Variants in SPHKAP observed in about 807,000 individuals in gnomAD.
SPHKAP encodes the protein A-kinase anchor protein SPHKAP.
In SPHKAP, 67 loss-of-function variants were observed where a neutral mutation model predicts 137.5. That is an observed-to-expected ratio of 0.49 (90% CI 0.40 to 0.60). The LOEUF is 0.60. SPHKAP is among the 20% of genes least tolerant of loss of function. The pLI is 0.00. For synonymous variants in SPHKAP, 813 were observed against 785.3 expected (o/e 1.04, Z -0.59); for missense variants, 2,097 against 2,069.3 (o/e 1.01, Z -0.26).
In SPHKAP at chr2:228,134,206, G is replaced by A. The variant is rs540765710; in HGVS notation, c.33-2121C>T. Among the ~76,000 whole-genome samples, 84 of 140,462 alleles carry A rather than the reference G, an allele frequency of 6.0e-4. 1 individual carries two copies. Among genetic ancestry groups the A allele is most frequent in the African/African-American group, 1.9e-3 (73 of 37,582 alleles). The allele number at this position is 140,462 out of a possible 152,430, so 92.1% of individuals were successfully genotyped here. A position where few individuals can be genotyped will look rare whatever the true frequency, so the allele number is the denominator to read the frequency against. ...AGACAGAAGGAAGGAGGGAGGGAGC[G>A]AGGAAGGAAGGAAGGGAAGGAGGGA... On this transcript the variant is annotated intron_variant, in intron 1 of 11. Coordinates refer to ENST00000392056, the MANE Select transcript of SPHKAP (RefSeq NM_001142644.2).
chr2:227,996,719 G>C (rs1352149095), intron 7 of SPHKAP, among the ~76,000 whole-genome samples: 3 of 152,082 alleles, frequency 2.0e-5, no homozygotes, highest in African/African-American at 7.2e-5. Flanking sequence ...TATTTCCATT[G>C]ACTTTTCTGT....
At chr2:228,129,504 C>A (rs564941832) in intron 2 of SPHKAP, among the ~76,000 whole-genome samples, 1 of 151,968 alleles carries the variant, frequency 6.6e-6, no homozygotes, top group South Asian at 2.1e-4. Flanking sequence ...TGTATTTCTC[C>A]CCAAGATCTA....
In SPHKAP at chr2:228,017,075, A is replaced by G. The variant is rs1694631720; in HGVS notation, c.3779T>C (p.Leu1260Ser). ...TVNVPIKANS[L>S]DGFAQNCPQD... ...TGGGCAGTTCTGAGCAAAGCCATCTAAAGAGTTGGCTTTGATGGGCACATT... is the reference window on the plus strand; with the variant it reads ...TGGGCAGTTCTGAGCAAAGCCATCTGAAGAGTTGGCTTTGATGGGCACATT... Residue 1260 changes from leucine to serine, a missense_variant, in exon 7 of 12, where the codon TTA becomes TCA. Transcript: ENST00000392056. The G allele has an allele frequency of 6.2e-7, 1 of 1,614,096 alleles. No individual in the cohort carries two copies. Among genetic ancestry groups the G allele is most frequent in the Non-Finnish European group, 8.5e-7 (1 of 1,180,020 alleles).
In SPHKAP at chr2:228,019,396, C is replaced by T. The variant is rs1694747225; in HGVS notation, c.1458G>A (p.Glu486=). 5.6e-6 allele frequency: 9 copies of T among 1,614,048 alleles called. No individual in the cohort carries two copies. In the Admixed American group the frequency reaches 1.3e-4, roughly 24 times the overall value. ...CACTCTGGGGTTGTCTGCTGGAGTTCTCTCCAGAGAGGATGCTTGAGGTTT... is the reference window on the plus strand; with the variant it reads ...CACTCTGGGGTTGTCTGCTGGAGTTTTCTCCAGAGAGGATGCTTGAGGTTT... ...SVETSSILSG[E]NSSRQPQSAL... is the part of the protein sequence containing the mutation. The change falls in exon 7 of 12, where the codon GAG becomes GAA. Residue 486 remains glutamate, a synonymous_variant. Coordinates refer to ENST00000392056, the MANE Select transcript of SPHKAP (RefSeq NM_001142644.2).
At chr2:228,015,354 C>T (rs980649237) in intron 7 of SPHKAP, among the ~76,000 whole-genome samples, 1 of 151,710 alleles carries the variant, frequency 6.6e-6, no homozygotes, top group Admixed American at 6.6e-5. Flanking sequence ...CAAGTCTTTG[C>T]TATTGTGAAT....
intron 3 of SPHKAP, among the ~76,000 whole-genome samples, chr2:228,104,486 T>C (rs1698280597): frequency 1.3e-5 from 2 of 150,982 alleles, no homozygotes; most frequent in African/African-American, 2.4e-5. Flanking sequence ...TCAACTGTGG[T>C]GTTTGTCAAA....
chr2:228,046,524 G>T (rs1696063533), intron 3 of SPHKAP, among the ~76,000 whole-genome samples: 1 of 151,890 alleles, frequency 6.6e-6, no homozygotes, highest in South Asian at 2.1e-4. Flanking sequence ...AAATAAATAG[G>T]TGATTCAAAA....
intron 11 of SPHKAP, among the ~76,000 whole-genome samples, chr2:227,982,894 C>G (rs1316898768): frequency 6.6e-6 from 1 of 152,030 alleles, no homozygotes; most frequent in Non-Finnish European, 1.5e-5. Context: ...GTTGCAAGAC[C>G]AAGCGTGAGT....
intron 1 of SPHKAP, among the ~76,000 whole-genome samples, chr2:228,146,414 A>G (rs1161729643): frequency 1.3e-5 from 2 of 152,018 alleles, no homozygotes; most frequent in African/African-American, 4.8e-5. Flanking sequence ...GCTACTTATT[A>G]CTATTTTTTT....
chr2:228,003,879 T>C (rs1694010893), intron 7 of SPHKAP, among the ~76,000 whole-genome samples: 3 of 152,224 alleles, frequency 2.0e-5, no homozygotes, highest in Admixed American at 1.3e-4. Context: ...GATTTGCGTA[T>C]GTTGAACCAG....
Position 228,027,345 on chromosome 2 carries a change from G to C in SPHKAP, c.306+139C>G, listed in dbSNP as rs965417386. The C allele has an allele frequency of 6.9e-6, 6 of 869,214 alleles. No individual in the cohort carries two copies. In the African/African-American group the frequency reaches 8.4e-5, roughly 12 times the overall value. The allele number at this position is 869,214 out of a possible 1,614,324, so 53.8% of individuals were successfully genotyped here. ...GGCAAACGGTAGAGGGTAAGTGCTA[G>C]GGAAAGGGTCGGGGAAATGGCCTGT... On this transcript the variant is annotated intron_variant, in intron 4 of 11. Coordinates refer to ENST00000392056, the MANE Select transcript of SPHKAP (RefSeq NM_001142644.2).
At chr2:228,116,421 G>A (rs1017767558) in intron 2 of SPHKAP, among the ~76,000 whole-genome samples, 1 of 152,240 alleles carries the variant, frequency 6.6e-6, no homozygotes, top group East Asian at 1.9e-4. Context: ...AATGAGAGTG[G>A]TATTTCTACT....
chr2:228,091,004 A>T (rs958220316), intron 3 of SPHKAP, among the ~76,000 whole-genome samples: 2 of 152,206 alleles, frequency 1.3e-5, no homozygotes, highest in African/African-American at 4.8e-5. Flanking sequence ...TAATTCATCT[A>T]TATTAAAAAT....
chr2:228,019,029 C>T lies in SPHKAP; in HGVS notation c.1825G>A (p.Glu609Lys). 1 of 1,614,032 alleles carries T rather than the reference C, an allele frequency of 6.2e-7. No homozygotes were observed. Among genetic ancestry groups the T allele is most frequent in the Non-Finnish European group, 8.5e-7 (1 of 1,179,950 alleles). Residue 609 changes from glutamate to lysine, a missense_variant, in exon 7 of 12, where the codon GAG becomes AAG. Coordinates refer to ENST00000392056, the MANE Select transcript of SPHKAP (RefSeq NM_001142644.2). ...MPPLCGLASM[E>K]LGKEAIAKGL... ...TTGGCAATGGCTTCCTTGCCAAGCT[C>T]CATGCTTGCTAAACCACAAAGTGGG...
chr2:227,993,668 C>A lies in SPHKAP; in HGVS notation c.4635-48G>T, dbSNP rs13004076. The A allele has an allele frequency of 2.0e-6, 3 of 1,477,956 alleles. No individual in the cohort carries two copies. In the South Asian group the frequency reaches 3.6e-5, roughly 18 times the overall value. 91.6% of individuals were successfully genotyped at this position (1,477,956 alleles called of 1,614,324 possible). On this transcript the variant is annotated intron_variant, in intron 8 of 11. Transcript: ENST00000392056. Reference sequence around the variant, plus strand: ...ATTAATGCCCGTCTCCACCCTCTAACATGCTGCTGACAGTGATGTTCCATT... The same window carrying A: ...ATTAATGCCCGTCTCCACCCTCTAAAATGCTGCTGACAGTGATGTTCCATT...
In SPHKAP at chr2:228,035,282, C is replaced by T. The variant is rs575830787; in HGVS notation, c.247-7739G>A. Reference sequence around the variant, plus strand: ...ATCATGAGTGAACTCCCATTCACAACTGCTTCAAAGAGAATAAAATACCTA... The same window carrying T: ...ATCATGAGTGAACTCCCATTCACAATTGCTTCAAAGAGAATAAAATACCTA... On this transcript the variant is annotated intron_variant, in intron 3 of 11. Transcript: ENST00000392056. Among the ~76,000 whole-genome samples, 70 of 150,284 alleles carry T rather than the reference C, an allele frequency of 4.7e-4. 1 individual carries two copies. Among genetic ancestry groups the T allele is most frequent in the African/African-American group, 1.3e-3 (54 of 40,840 alleles).
chr2:228,021,690 C>T, intron 6 of SPHKAP, 21 bp downstream of exon 6: 1 of 1,568,272 alleles, frequency 6.4e-7, no homozygotes, highest in Non-Finnish European at 8.6e-7. Context: ...TTTCAGGAGG[C>T]ACTAATTGGA....
At chr2:228,128,826 CT>C (rs1228527956) in intron 2 of SPHKAP, among the ~76,000 whole-genome samples, 2 of 152,060 alleles carry the variant, frequency 1.3e-5, no homozygotes. Flanking sequence ...TGATAGGAAT[CT>C]TTTTTTATGA....
intron 3 of SPHKAP, among the ~76,000 whole-genome samples, chr2:228,030,338 AC>A (rs1456539141): frequency 6.6e-6 from 1 of 151,776 alleles, no homozygotes; most frequent in African/African-American, 2.4e-5. Context: ...ACGTGGTGAA[AC>A]CCCGTCTCTA....
Sources: gnomAD v4.1 joint callset for allele counts (sites outside exome capture counted in the v4.1 genomes callset) on GRCh38, gnomAD v4.1.1 for gene constraint, MANE v1.5 for transcripts, NCBI Gene and HGNC (gene_info 2026-07-23, HGNC 2026-07-21) for gene names.